Variants in OR14A2 observed in about 807,000 individuals in gnomAD.
OR14A2 encodes olfactory receptor 14A2.
For missense variants in OR14A2, 237 were observed against 152.9 expected (o/e 1.55, Z -2.90); for synonymous variants, 114 against 58.6 (o/e 1.95, Z -4.32).
At chr1:247,728,375 C>A (rs540951921), upstream of OR14A2, among the ~76,000 whole-genome samples, 6 of 151,812 alleles carry the variant, frequency 4.0e-5, no homozygotes, top group Non-Finnish European at 7.4e-5. Flanking sequence ...ATTCAACAAC[C>A]CTTCATGCTA....
the OR14A2 span, among the ~76,000 whole-genome samples, chr1:247,733,446 CT>C: frequency 1.3e-5 from 2 of 152,160 alleles, no homozygotes; most frequent in African/African-American, 4.8e-5. Context: ...TTTTACAAAC[CT>C]TCTGAAACTT....
chr1:247,737,527 G>T, the OR14A2 span, among the ~76,000 whole-genome samples: 3 of 151,604 alleles, frequency 2.0e-5, no homozygotes, highest in Non-Finnish European at 1.5e-5. Context: ...CAAACTTAAA[G>T]CCTCCTCTGT....
chr1:247,723,556 GA>G lies in OR14A2; in HGVS notation c.487del (p.Ser163ProfsTer9), dbSNP rs1660255337. ...CACACTGGAGCCACAGAAAGGCATGGAAAATGTGCCAGCTGTGTACGCAGTA... is the reference window on the plus strand; with the variant it reads ...CACACTGGAGCCACAGAAAGGCATGGAAATGTGCCAGCTGTGTACGCAGTA... On this transcript the variant is annotated frameshift_variant, in exon 1 of 1. Coordinates refer to ENST00000366485, the Ensembl canonical transcript of OR14A2. LOFTEE classifies it low-confidence loss of function (END_TRUNC). The G allele has an allele frequency of 2.8e-6, 2 of 718,236 alleles. No homozygotes were observed. 44.5% of individuals were successfully genotyped at this position (718,236 alleles called of 1,614,324 possible). A position where few individuals can be genotyped will look rare whatever the true frequency, so the allele number is the denominator to read the frequency against.
At chr1:247,747,271 C>T in the OR14A2 span, among the ~76,000 whole-genome samples, 2 of 152,094 alleles carry the variant, frequency 1.3e-5, no homozygotes, top group South Asian at 2.1e-4. Flanking sequence ...GTGAATCAGC[C>T]TATGGGAAGT....
chr1:247,741,942 C>G, the OR14A2 span, among the ~76,000 whole-genome samples: 2 of 152,178 alleles, frequency 1.3e-5, no homozygotes, highest in Non-Finnish European at 1.5e-5. Context: ...GTGATACCCT[C>G]CCCGCCTTGT....
chr1:247,730,239 T>TCAAA, the OR14A2 span, among the ~76,000 whole-genome samples: 2 of 152,040 alleles, frequency 1.3e-5, no homozygotes, highest in Non-Finnish European at 2.9e-5. Flanking sequence ...GACAGTTAGC[T>TCAAA]CAAACCCTGA....
upstream of OR14A2, chr1:247,724,135 G>C (rs1660278145): frequency 5.1e-6 from 3 of 583,694 alleles, no homozygotes; most frequent in Admixed American, 9.2e-5. Flanking sequence ...ATACAGACTA[G>C]CAAGAGTCAT....
the OR14A2 span, chr1:247,739,359 T>A: frequency 1.3e-6 from 1 of 780,866 alleles, no homozygotes; most frequent in Non-Finnish European, 2.4e-6. Context: ...TGTCACTGTG[T>A]TTCTTGTAAC....
At chr1:247,742,980 A>G in the OR14A2 span, among the ~76,000 whole-genome samples, 5 of 152,336 alleles carry the variant, frequency 3.3e-5, no homozygotes, top group East Asian at 7.7e-4. Flanking sequence ...TATAATTCGT[A>G]TAACTAAGGA....
chr1:247,733,478 T>A, the OR14A2 span, among the ~76,000 whole-genome samples: 1 of 152,272 alleles, frequency 6.6e-6, no homozygotes, highest in East Asian at 1.9e-4. Context: ...ATTTCCTGTT[T>A]ATCTGTTCAA....
the OR14A2 span, among the ~76,000 whole-genome samples, chr1:247,747,393 G>T: frequency 7.0e-6 from 1 of 141,886 alleles, no homozygotes; most frequent in Non-Finnish European, 1.5e-5. Flanking sequence ...ACGGAGTCTC[G>T]CTCTGTTGCC....
the OR14A2 span, among the ~76,000 whole-genome samples, chr1:247,747,315 C>A: frequency 6.6e-6 from 1 of 151,990 alleles, no homozygotes; most frequent in Admixed American, 6.6e-5. Flanking sequence ...GACATTCTTT[C>A]CCCCCGTATA....
At chr1:247,742,760 C>A in the OR14A2 span, among the ~76,000 whole-genome samples, 1,289 of 151,768 alleles carry the variant, frequency 8.5e-3, 20 homozygotes, top group African/African-American at 0.029. Context: ...TGATTTGAGA[C>A]AACAAAACAA....
chr1:247,747,932 C>T, the OR14A2 span, among the ~76,000 whole-genome samples: 1 of 152,050 alleles, frequency 6.6e-6, no homozygotes, highest in Non-Finnish European at 1.5e-5. Context: ...CCTGAGAGTA[C>T]CGGAAAGTGA....
the OR14A2 span, among the ~76,000 whole-genome samples, chr1:247,735,465 A>G: frequency 4.6e-5 from 7 of 152,216 alleles, no homozygotes; most frequent in Non-Finnish European, 5.9e-5. Flanking sequence ...ACCCAGAAAG[A>G]TCTCCTTTTC....
upstream of OR14A2, among the ~76,000 whole-genome samples, chr1:247,725,370 T>G (rs1260499338): frequency 6.6e-6 from 1 of 151,968 alleles, no homozygotes; most frequent in African/African-American, 2.4e-5. Flanking sequence ...CTGAAGACAT[T>G]TATTAGCTTA....
the OR14A2 span, chr1:247,739,015 T>A: frequency 1.8e-5 from 14 of 780,770 alleles, no homozygotes; most frequent in East Asian, 3.4e-4. Context: ...GAGGCTGTCA[T>A]GAGCAGAGGG....
the OR14A2 span, among the ~76,000 whole-genome samples, chr1:247,736,149 G>T: frequency 7.4e-6 from 1 of 134,988 alleles, no homozygotes; most frequent in Non-Finnish European, 1.6e-5. Flanking sequence ...CTCCATATAG[G>T]CCTCCCCTCC....
At chr1:247,737,410 T>C in the OR14A2 span, among the ~76,000 whole-genome samples, 1 of 150,662 alleles carries the variant, frequency 6.6e-6, no homozygotes, top group Non-Finnish European at 1.5e-5. Context: ...TCTCATGCTA[T>C]GTTGCAAACT....
Sources: gnomAD v4.1 joint callset for allele counts (sites outside exome capture counted in the v4.1 genomes callset) on GRCh38, gnomAD v4.1.1 for gene constraint, MANE v1.5 for transcripts, NCBI Gene and HGNC (gene_info 2026-07-23, HGNC 2026-07-21) for gene names.